CRHR2: variants seen among roughly 807,000 people sequenced by gnomAD.
The protein encoded by CRHR2 is corticotropin-releasing hormone receptor 2.
Under a neutral mutation model 57.9 loss-of-function variants are expected in CRHR2, and 53 were observed. The ratio of observed to expected loss-of-function variants is 0.92; its 90% confidence interval spans 0.73 to 1.15. The LOEUF is 1.15. Among genes scored for constraint, CRHR2 ranks in the 50% most tolerant of loss-of-function variants. The pLI is 0.00. For synonymous variants in CRHR2, 213 were observed against 220.9 expected (o/e 0.96, Z 0.32); for missense variants, 532 against 542.6 (o/e 0.98, Z 0.19).
Position 30,653,547 on chromosome 7 carries a change from A to G in CRHR2, c.1149T>C (p.Leu383=). Residue 383 remains leucine (L), a synonymous_variant, in exon 12 of 12, where the codon CTT becomes CTC. Coordinates refer to ENST00000471646, the MANE Select transcript of CRHR2 (RefSeq NM_001883.5). This position sits in a 1 kb window ranked among gnomAD's most constrained non-coding sequence, Gnocchi z 5.0. Reference sequence around the variant, plus strand: ...ACATGGCCCGGGCCATGGGGACTCGAAGGGAGTGATGGTCCTGCCAGCGGT... The same window carrying G: ...ACATGGCCCGGGCCATGGGGACTCGGAGGGAGTGATGGTCCTGCCAGCGGT... ...RWHRWQDHHS[L]RVPMARAMSI... is the part of the protein sequence containing the mutation. 6.2e-7 allele frequency: 1 copy of G among 1,613,244 alleles called. No homozygotes were observed. Among genetic ancestry groups the G allele is most frequent in the Non-Finnish European group, 8.5e-7 (1 of 1,179,896 alleles).
Position 30,656,136 on chromosome 7 carries a change from A to C in CRHR2, c.832-124T>G. The C allele has an allele frequency of 1.2e-6, 1 of 833,536 alleles. No homozygotes were observed. The highest frequency in any genetic ancestry group is 2.0e-6 in the Non-Finnish European group (1 of 506,304). 51.6% of individuals were successfully genotyped at this position (833,536 alleles called of 1,614,324 possible). On this transcript the variant is annotated intron_variant, in intron 8 of 11. Coordinates refer to ENST00000471646, the MANE Select transcript of CRHR2 (RefSeq NM_001883.5). This position sits in a 1 kb window ranked among gnomAD's most constrained non-coding sequence, Gnocchi z 4.4. ...GATGTCCCACGCACACACCTATCCT[A>C]CCTGTCCCCCTAGCACCTGCCAGCA...
At chr7:30,676,377 G>C (rs545998132) in intron 2 of CRHR2, among the ~76,000 whole-genome samples, 15 of 152,282 alleles carry the variant, frequency 9.9e-5, no homozygotes, top group Non-Finnish European at 1.9e-4. Context: ...ATAGAGTCAG[G>C]GGGGATCAGG....
At chr7:30,667,573 C>T (rs1175414956) in intron 2 of CRHR2, among the ~76,000 whole-genome samples, 1 of 152,198 alleles carries the variant, frequency 6.6e-6, no homozygotes. Context: ...TCATTTTGTT[C>T]ATTTGCTTCA....
intron 2 of CRHR2, among the ~76,000 whole-genome samples, chr7:30,669,922 C>T (rs1784304491): frequency 6.6e-6 from 1 of 152,056 alleles, no homozygotes; most frequent in Admixed American, 6.6e-5. Context: ...TCCTTCTTAC[C>T]CACTGCTCAC....
Position 30,665,252 on chromosome 7 carries a change from AGGCCAG to A in CRHR2, c.426-71_426-66del. The A allele has an allele frequency of 1.4e-6, 2 of 1,392,532 alleles. No individual in the cohort carries two copies. The highest frequency in any genetic ancestry group is 2.0e-6 in the Non-Finnish European group (2 of 981,676). The allele number at this position is 1,392,532 out of a possible 1,614,324, so 86.3% of individuals were successfully genotyped here. A position where few individuals can be genotyped will look rare whatever the true frequency, so the allele number is the denominator to read the frequency against. ...GTCAACTGGGACTGGGTTCCCCCTG[AGGCCAG>A]GTAGAGACTCAGCCTGGGATGAGGG... On this transcript the variant is annotated intron_variant, in intron 4 of 11. Transcript: ENST00000471646. The surrounding 1 kb of genome is among the most constrained non-coding windows in gnomAD (Gnocchi z 4.5).
chr7:30,663,561 G>T (rs137878214), intron 5 of CRHR2, among the ~76,000 whole-genome samples: 48 of 152,352 alleles, frequency 3.2e-4, no homozygotes, highest in African/African-American at 1.1e-3. Context: ...CTGTGGTTCC[G>T]TGCCTTCCCA....
At chr7:30,698,464 C>T (rs905419901) in intron 1 of CRHR2, among the ~76,000 whole-genome samples, 1 of 152,176 alleles carries the variant, frequency 6.6e-6, no homozygotes, top group African/African-American at 2.4e-5. Flanking sequence ...TCCTGGAAGG[C>T]ACCTATCTGG....
rs141646899 is a variant in CRHR2 at position 30,667,302 on chromosome 7, G to A, written c.241C>T (p.Arg81Ter). The A allele has an allele frequency of 7.4e-6, 12 of 1,613,948 alleles. No homozygotes were observed. Among genetic ancestry groups the A allele is most frequent in the Admixed American group, 5.0e-5 (3 of 60,000 alleles). Residue 81 changes from arginine to a stop codon, truncating the protein, a stop_gained, in exon 3 of 12, where the codon CGA becomes TGA. Transcript: ENST00000471646. LOFTEE classifies it high-confidence loss of function. ...VKYNTTRNAYRECLENGTWAS... is the reference protein window; with the variant it reads ...VKYNTTRNAY ...CACGTCCCATTCTCCAAGCATTCTC[G>A]ATAGGCATTCCCTACAAAAAATGCC...
chr7:30,687,827 T>G (rs1371029295), intron 2 of CRHR2, among the ~76,000 whole-genome samples: 1 of 151,932 alleles, frequency 6.6e-6, no homozygotes, highest in Non-Finnish European at 1.5e-5. Context: ...CCTCTGAGGG[T>G]GAGGGAAGGT....
chr7:30,681,822 T>G, intron 2 of CRHR2, 93 bp downstream of exon 2: 1 of 1,480,340 alleles, frequency 6.8e-7, no homozygotes, highest in Non-Finnish European at 8.9e-7. Context: ...CGTCAGCAGC[T>G]TTGTACCGCT....
rs1411890915 is a variant in CRHR2 at position 30,665,664 on chromosome 7, C to T, written c.316-25G>A. On this transcript the variant is annotated intron_variant, in intron 3 of 11. Coordinates refer to ENST00000471646, the MANE Select transcript of CRHR2 (RefSeq NM_001883.5). This position sits in a 1 kb window ranked among gnomAD's most constrained non-coding sequence, Gnocchi z 4.5. The stretch of plus-strand genomic sequence containing the variant: ...GCTGGACAGACAGACATGGGCAGGG[C>T]AGATGGAGGCATGGGCACGTGGGGG... 1.1e-5 allele frequency: 17 copies of T among 1,543,888 alleles called. No individual in the cohort carries two copies. Among genetic ancestry groups the T allele is most frequent in the Non-Finnish European group, 1.4e-5 (16 of 1,140,048 alleles).
At chr7:30,671,202 C>G (rs756501966) in intron 2 of CRHR2, among the ~76,000 whole-genome samples, 21 of 152,132 alleles carry the variant, frequency 1.4e-4, no homozygotes, top group Non-Finnish European at 1.3e-4. Flanking sequence ...TTATTGGCAT[C>G]TCAGGTGGAT....
At chr7:30,695,598 C>A (rs1785042059) in intron 1 of CRHR2, among the ~76,000 whole-genome samples, 1 of 152,112 alleles carries the variant, frequency 6.6e-6, no homozygotes, top group Admixed American at 6.5e-5. Context: ...CAGGAACTGG[C>A]CAGCAGGAGG....
intron 8 of CRHR2, among the ~76,000 whole-genome samples, chr7:30,658,543 G>C (rs1783875498): frequency 1.3e-5 from 2 of 152,190 alleles, no homozygotes; most frequent in African/African-American, 4.8e-5. Flanking sequence ...CCTCCCAAAT[G>C]AACTGAAGCA....
rs1275915022 is a variant in CRHR2 at position 30,653,322 on chromosome 7, C to T, written c.*138G>A. 7.8e-7 allele frequency: 1 copy of T among 1,287,626 alleles called. No homozygotes were observed. Among genetic ancestry groups the T allele is most frequent in the Admixed American group, 2.3e-5 (1 of 44,276 alleles). 79.8% of individuals were successfully genotyped at this position (1,287,626 alleles called of 1,614,324 possible). A position where few individuals can be genotyped will look rare whatever the true frequency, so the allele number is the denominator to read the frequency against. ...CTTGCAGTCCCCCTTGGCTGCCGCA[C>T]CCCCTCTTTCCTGCCAGGCTGGAGA... is the stretch of plus-strand genomic sequence containing the variant. On this transcript the variant is annotated 3_prime_UTR_variant, in exon 12 of 12. Coordinates refer to ENST00000471646, the MANE Select transcript of CRHR2 (RefSeq NM_001883.5). This position sits in a 1 kb window ranked among gnomAD's most constrained non-coding sequence, Gnocchi z 5.0.
intron 1 of CRHR2, among the ~76,000 whole-genome samples, chr7:30,692,321 C>A (rs549721298): frequency 3.3e-4 from 50 of 152,280 alleles, no homozygotes; most frequent in African/African-American, 1.1e-3. Flanking sequence ...CCTGTGCCCC[C>A]CTTCCCCAGC....
Position 30,665,554 on chromosome 7 carries a change from G to T in CRHR2, c.401C>A (p.Ala134Asp), listed in dbSNP as rs1245795854. ...HCVSVAALVA[A>D]FLLFLALRSI... ...CCGCAGGGCCAGGAAAAGCAGGAAGGCGGCCACCAGGGCTGCCACAGATAC... is the reference window on the plus strand; with the variant it reads ...CCGCAGGGCCAGGAAAAGCAGGAAGTCGGCCACCAGGGCTGCCACAGATAC... The change falls in exon 4 of 12, where the codon GCC (alanine) becomes GAC (aspartate). Residue 134 changes from alanine (A) to aspartate (D), a missense_variant. Transcript: ENST00000471646. This position sits in a 1 kb window ranked among gnomAD's most constrained non-coding sequence, Gnocchi z 4.5. The T allele has an allele frequency of 6.4e-7, 1 of 1,561,978 alleles. No individual in the cohort carries two copies. Among genetic ancestry groups the T allele is most frequent in the East Asian group, 2.4e-5 (1 of 41,688 alleles).
At chr7:30,661,419 C>G (rs1232832078) in intron 7 of CRHR2, among the ~76,000 whole-genome samples, 2 of 152,176 alleles carry the variant, frequency 1.3e-5, no homozygotes, top group African/African-American at 4.8e-5. Context: ...CACCACCTAC[C>G]AAGGCAGCCC....
intron 8 of CRHR2, among the ~76,000 whole-genome samples, chr7:30,658,451 G>T (rs965964376): frequency 3.3e-5 from 5 of 152,062 alleles, no homozygotes; most frequent in Non-Finnish European, 7.4e-5. Context: ...GGGGTTGGGG[G>T]TGGGGGAGAT....
Sources: gnomAD v4.1 joint callset for allele counts (sites outside exome capture counted in the v4.1 genomes callset) on GRCh38, gnomAD v4.1.1 for gene constraint, Gnocchi (gnomAD v3.1) non-coding constraint, MANE v1.5 for transcripts, NCBI Gene and HGNC (gene_info 2026-07-23, HGNC 2026-07-21) for gene names.